The following FBXL13 variants were observed in gnomAD, a reference collection of about 807,000 sequenced individuals.
FBXL13 encodes the protein F-box and leucine rich repeat protein 13.
A neutral mutation model predicts 83.6 loss-of-function variants in FBXL13; 67 were observed. That is an observed-to-expected ratio of 0.80 (90% CI 0.66 to 0.98). The LOEUF is 0.98. Among genes scored for constraint, FBXL13 ranks in the 50% least tolerant of loss-of-function variants. The pLI is 0.00. For synonymous variants in FBXL13, 272 were observed against 299.5 expected (o/e 0.91, Z 0.95); for missense variants, 822 against 866.5 (o/e 0.95, Z 0.64).
chr7:102,842,370 A>C (rs1196993851), intron 17 of FBXL13, among the ~76,000 whole-genome samples: 1 of 152,252 alleles, frequency 6.6e-6, no homozygotes, highest in African/African-American at 2.4e-5. Flanking sequence ...CTTTAAAAAA[A>C]AATGTTGCTA....
intron 6 of FBXL13, among the ~76,000 whole-genome samples, chr7:102,969,887 AAAAAG>A (rs542764945): frequency 1.7e-3 from 261 of 151,844 alleles, no homozygotes; most frequent in African/African-American, 6.0e-3. Context: ...AAAGAAAAGA[AAAAAG>A]AAAAGAAAAG....
intron 5 of FBXL13, among the ~76,000 whole-genome samples, chr7:103,026,541 A>T (rs1474202744): frequency 6.6e-6 from 1 of 152,232 alleles, no homozygotes; most frequent in Admixed American, 6.5e-5. Context: ...CAAAAGGCAA[A>T]GCCTAGAGGA....
intron 6 of FBXL13, among the ~76,000 whole-genome samples, chr7:102,972,224 C>T (rs1266160448): frequency 6.6e-6 from 1 of 151,716 alleles, no homozygotes; most frequent in Non-Finnish European, 1.5e-5. Flanking sequence ...ATGATGAAAA[C>T]GTGGGGGTAG....
chr7:102,983,288 C>T (rs1027550403), intron 6 of FBXL13, among the ~76,000 whole-genome samples: 1 of 152,100 alleles, frequency 6.6e-6, no homozygotes, highest in Non-Finnish European at 1.5e-5. Context: ...CTTCCACTAG[C>T]AGTAGGATTG....
intron 1 of FBXL13, among the ~76,000 whole-genome samples, chr7:103,067,738 T>C (rs1225532837): frequency 6.6e-6 from 1 of 152,212 alleles, no homozygotes; most frequent in Non-Finnish European, 1.5e-5. Flanking sequence ...GCATGAGGGA[T>C]CTCAAGCAAT....
intron 7 of FBXL13, among the ~76,000 whole-genome samples, chr7:102,965,078 C>A (rs188732177): frequency 1.3e-5 from 2 of 152,160 alleles, no homozygotes; most frequent in Non-Finnish European, 2.9e-5. Context: ...ATGAACATTA[C>A]TCGTTAATGC....
intron 16 of FBXL13, among the ~76,000 whole-genome samples, chr7:102,862,087 G>A (rs962432345): frequency 4.6e-5 from 7 of 152,034 alleles, no homozygotes; most frequent in Non-Finnish European, 8.8e-5. Context: ...GCTCACGCCT[G>A]TAATCCCAGC....
intron 16 of FBXL13, among the ~76,000 whole-genome samples, chr7:102,869,885 C>T (rs895662769): frequency 4.6e-5 from 7 of 152,054 alleles, no homozygotes; most frequent in South Asian, 4.2e-4. Flanking sequence ...AAGGTGAGTA[C>T]GAGAAACAGT....
chr7:102,834,100 A>AG (rs1801340867), intron 17 of FBXL13, among the ~76,000 whole-genome samples: 1 of 105,736 alleles, frequency 9.5e-6, no homozygotes, highest in African/African-American at 4.4e-5. Flanking sequence ...GAAAGAAAGA[A>AG]AGAAAGAAAG....
intron 6 of FBXL13, among the ~76,000 whole-genome samples, chr7:102,971,422 A>AT (rs1826637955): frequency 1.3e-5 from 2 of 151,238 alleles, no homozygotes; most frequent in Admixed American, 1.3e-4. Context: ...AGATGAAGAA[A>AT]CCCCCTCTCT....
intron 18 of FBXL13, 62 bp downstream of exon 19, chr7:102,832,778 C>T: frequency 6.3e-7 from 1 of 1,597,556 alleles, no homozygotes; most frequent in Non-Finnish European, 8.5e-7. Flanking sequence ...TGATCGCTGT[C>T]CTGCCTTGTC....
chr7:103,051,226 G>A (rs546748629), intron 2 of FBXL13, among the ~76,000 whole-genome samples: 3 of 152,258 alleles, frequency 2.0e-5, no homozygotes, highest in Middle Eastern at 3.4e-3. Context: ...AAATTCCTGT[G>A]AATTTTCAAA....
At chr7:102,966,344 G>T (rs1825963546) in intron 7 of FBXL13, among the ~76,000 whole-genome samples, 1 of 152,124 alleles carries the variant, frequency 6.6e-6, no homozygotes, top group African/African-American at 2.4e-5. Context: ...ACAAGGTATT[G>T]GGTGATGCTG....
At chr7:102,852,726 C>A (rs1020698555) in intron 17 of FBXL13, among the ~76,000 whole-genome samples, 4 of 152,126 alleles carry the variant, frequency 2.6e-5, no homozygotes, top group African/African-American at 9.7e-5. Flanking sequence ...GGGAACACTT[C>A]TGCACTACTG....
intron 7 of FBXL13, 127 bp downstream of exon 8, chr7:102,967,895 C>A: frequency 1.7e-6 from 1 of 580,034 alleles, no homozygotes; most frequent in South Asian, 3.3e-5. Context: ...CAAAAGAAAA[C>A]CAAATTCACT....
chr7:102,946,650 TTTTATTTATTTATTTA>T (rs10570570), intron 8 of FBXL13, among the ~76,000 whole-genome samples: 53 of 140,984 alleles, frequency 3.8e-4, no homozygotes, highest in African/African-American at 6.8e-4. Context: ...TCTATTTTTA[TTTTATTTATTTATTTA>T]TTTATTTATT....
intron 16 of FBXL13, among the ~76,000 whole-genome samples, chr7:102,869,955 A>G (rs1808306931): frequency 6.6e-6 from 1 of 152,186 alleles, no homozygotes; most frequent in Non-Finnish European, 1.5e-5. Flanking sequence ...GTTATAAGAG[A>G]TGATTAGACT....
chr7:102,899,078 G>C (rs560229842), intron 11 of FBXL13, among the ~76,000 whole-genome samples: 13 of 152,218 alleles, frequency 8.5e-5, no homozygotes, highest in African/African-American at 3.1e-4. Flanking sequence ...GCCATACTTG[G>C]CTAACTGTTG....
intron 6 of FBXL13, among the ~76,000 whole-genome samples, chr7:103,022,398 G>A (rs1356925774): frequency 6.6e-6 from 1 of 151,946 alleles, no homozygotes. Flanking sequence ...GTTAATGCGT[G>A]CAGCACACCA....
Sources: allele counts gnomAD v4.1 joint callset (sites outside exome capture counted in the v4.1 genomes callset), GRCh38; gene constraint gnomAD v4.1.1; transcripts MANE v1.5; gene names NCBI Gene and HGNC (gene_info 2026-07-23, HGNC 2026-07-21).